Variants in BCL11B observed in about 807,000 individuals in gnomAD.
The protein encoded by BCL11B is BCL11 transcription factor B, also known as B-cell lymphoma/leukemia 11B.
Under a neutral mutation model 49.9 loss-of-function variants are expected in BCL11B, and 8 were observed. The ratio of observed to expected loss-of-function variants is 0.16; its 90% CI spans 0.09 to 0.29. BCL11B has a LOEUF of 0.29. Ranked by LOEUF, BCL11B falls within the 10% of genes least tolerant of loss-of-function variation. The pLI, the probability that BCL11B is intolerant of heterozygous loss-of-function variation, is 1.00. For synonymous variants in BCL11B, 739 were observed against 637.4 expected, an observed-to-expected ratio of 1.16 and a Z score of -2.40; for missense variants, 1,006 against 1,351.0, an observed-to-expected ratio of 0.74 and a Z score of 4.00.
chr14:99,251,362 T>A (rs1018321836), intron 2 of BCL11B, among the ~76,000 whole-genome samples: 14 of 152,140 alleles, frequency 9.2e-5, no homozygotes, highest in Non-Finnish European at 1.6e-4. Flanking sequence ...GTATACCTTG[T>A]CTGAATCAAA....
intron 2 of BCL11B, among the ~76,000 whole-genome samples, chr14:99,255,612 C>A (rs2139948825): frequency 6.6e-6 from 1 of 152,234 alleles, no homozygotes; most frequent in African/African-American, 2.4e-5. Context: ...GCAAAAGCAG[C>A]AAATCTTTCC....
chr14:99,246,892 G>C (rs574247086), intron 2 of BCL11B, among the ~76,000 whole-genome samples: 2 of 152,310 alleles, frequency 1.3e-5, no homozygotes, highest in Non-Finnish European at 2.9e-5. Context: ...AAACGTCGGG[G>C]AAACCGGAAA....
intron 1 of BCL11B, among the ~76,000 whole-genome samples, chr14:99,265,589 G>A (rs759029592): frequency 1.3e-5 from 2 of 152,272 alleles, no homozygotes; most frequent in East Asian, 1.9e-4. Flanking sequence ...GATTTTTAAC[G>A]GTTTTCTGCA....
rs905635781 is a variant in BCL11B at position 99,271,320 on chromosome 14, C to CGCT, written c.-103_-102insAGC. 19 of 745,628 alleles carry CGCT rather than the reference C, an allele frequency of 2.5e-5. 1 individual carries two copies. The highest frequency in any genetic ancestry group is 4.8e-5 in the Admixed American group (1 of 20,776). The allele number at this position is 745,628 out of a possible 1,614,324, so 46.2% of individuals were successfully genotyped here. On this transcript the variant is annotated 5_prime_UTR_variant, in exon 1 of 4. Coordinates refer to ENST00000357195, the MANE Select transcript of BCL11B (RefSeq NM_138576.4). Reference sequence around the variant, plus strand: ...GCCGCGCCGCTGCCGCCGCTGCCGCCGCCGCCGCCGCCGCCGCACCTCCTC... The same window carrying CGCT: ...GCCGCGCCGCTGCCGCCGCTGCCGCCGCTGCCGCCGCCGCCGCCGCACCTCCTC...
chr14:99,267,006 G>A (rs532700348), intron 1 of BCL11B, among the ~76,000 whole-genome samples: 33 of 152,262 alleles, frequency 2.2e-4, no homozygotes, highest in Non-Finnish European at 4.1e-4. Context: ...CGTCTCACCT[G>A]AGACACAATT....
chr14:99,245,181 T>C (rs540975546), intron 2 of BCL11B, among the ~76,000 whole-genome samples: 3 of 152,310 alleles, frequency 2.0e-5, no homozygotes, highest in East Asian at 1.9e-4. Flanking sequence ...CTTTAAACAA[T>C]TGGAGGCCAA....
At chr14:99,264,856 T>C (rs1469566313) in intron 1 of BCL11B, 1 of 152,196 alleles carries the variant, frequency 6.6e-6, no homozygotes, top group Non-Finnish European at 1.5e-5. Flanking sequence ...CTCGGCACTT[T>C]TTACCCACGC....
chr14:99,201,998 G>T (rs896332029), intron 3 of BCL11B, among the ~76,000 whole-genome samples: 2 of 151,842 alleles, frequency 1.3e-5, no homozygotes, highest in Non-Finnish European at 2.9e-5. Flanking sequence ...CTTTTTTTTC[G>T]GTAGAGACAG....
intron 3 of BCL11B, among the ~76,000 whole-genome samples, chr14:99,190,384 G>A (rs987043149): frequency 2.6e-5 from 4 of 152,214 alleles, no homozygotes; most frequent in African/African-American, 4.8e-5. Flanking sequence ...AGCTACCTGG[G>A]GGTTGAGGCA....
At chr14:99,199,710 GTGCGTGTGTGCA>G (rs1887317186) in intron 3 of BCL11B, among the ~76,000 whole-genome samples, 1 of 128,958 alleles carries the variant, frequency 7.8e-6, no homozygotes, top group African/African-American at 2.7e-5. Flanking sequence ...GTGCACGTGT[GTGCGTGTGTGCA>G]TGCATATGTG....
chr14:99,223,264 C>T (rs1595260614), intron 3 of BCL11B, among the ~76,000 whole-genome samples: 1 of 152,338 alleles, frequency 6.6e-6, no homozygotes, highest in East Asian at 1.9e-4. Flanking sequence ...TTGGCACTCT[C>T]TTCATCTACT....
At chr14:99,240,241 C>G (rs940033133) in intron 2 of BCL11B, among the ~76,000 whole-genome samples, 1 of 151,928 alleles carries the variant, frequency 6.6e-6, no homozygotes, top group African/African-American at 2.4e-5. Flanking sequence ...AAAGGAGGAC[C>G]CTGCTATAGT....
intron 3 of BCL11B, among the ~76,000 whole-genome samples, chr14:99,187,875 C>CA (rs913673849): frequency 6.5e-4 from 99 of 152,164 alleles, no homozygotes; most frequent in African/African-American, 1.7e-3. Flanking sequence ...TTTAAATCCA[C>CA]AAAAAATCTC....
rs560616604 is a variant in BCL11B at position 99,247,972 on chromosome 14, C to A, written c.427+9499G>T. Among the ~76,000 whole-genome samples the A allele has an allele frequency of 1.2e-3, 180 of 152,244 alleles. 1 individual carries two copies. Among genetic ancestry groups the A allele is most frequent in the Non-Finnish European group, 2.1e-3 (142 of 68,030 alleles). ...GGCGGTCCTGGGCTGGGGGGCTCAC[C>A]CTGCCCTTGGCTGCTGCCTTTTCTC... On this transcript the variant is annotated intron_variant, in intron 2 of 3. Coordinates refer to ENST00000357195, the MANE Select transcript of BCL11B (RefSeq NM_138576.4). The surrounding 1 kb of genome is among the most constrained non-coding windows in gnomAD (Gnocchi z 4.5).
At chr14:99,185,125 G>A (rs940340487) in intron 3 of BCL11B, among the ~76,000 whole-genome samples, 6 of 152,124 alleles carry the variant, frequency 3.9e-5, no homozygotes, top group African/African-American at 1.2e-4. Flanking sequence ...AGTACCTGGG[G>A]AGGAGGCAGG....
chr14:99,204,860 T>C (rs1887489643), intron 3 of BCL11B, among the ~76,000 whole-genome samples: 2 of 152,182 alleles, frequency 1.3e-5, no homozygotes, highest in African/African-American at 4.8e-5. Context: ...TTCAAAAATG[T>C]TCAAAACCTA....
At chr14:99,230,015 G>A (rs773584636) in intron 3 of BCL11B, among the ~76,000 whole-genome samples, 7 of 152,200 alleles carry the variant, frequency 4.6e-5, no homozygotes, top group Non-Finnish European at 1.0e-4. Context: ...TTTGGGTTTT[G>A]CTTTGTGCCT....
chr14:99,260,668 T>A (rs1378618836), intron 1 of BCL11B, among the ~76,000 whole-genome samples: 1 of 152,148 alleles, frequency 6.6e-6, no homozygotes, highest in East Asian at 1.9e-4. Context: ...TTTTTTATTT[T>A]TGGTAACATC....
Position 99,189,244 on chromosome 14 carries a change from G to T in BCL11B, c.641-13049C>A, listed in dbSNP as rs529668427. On this transcript the variant is annotated intron_variant, in intron 3 of 3. Coordinates refer to ENST00000357195, the MANE Select transcript of BCL11B (RefSeq NM_138576.4). ...CCACCGTGCCAAGCTTCCTCCAGCC[G>T]CTGCTGGCTGCCGGGACGTGGTCAT... Among the ~76,000 whole-genome samples the T allele has an allele frequency of 3.9e-3, 596 of 152,316 alleles. 6 individuals are homozygous for T. The highest frequency in any genetic ancestry group is 0.017 in the Middle Eastern group (5 of 294).
Sources: gnomAD v4.1 joint callset for allele counts (sites outside exome capture counted in the v4.1 genomes callset) on GRCh38, gnomAD v4.1.1 for gene constraint, Gnocchi (gnomAD v3.1) non-coding constraint, MANE v1.5 for transcripts, NCBI Gene and HGNC (gene_info 2026-07-23, HGNC 2026-07-21) for gene names.